The following ITGB2 variants were observed in gnomAD, a reference collection of about 807,000 sequenced individuals.
ITGB2 encodes integrin beta-2.
Under a neutral mutation model 86.8 loss-of-function variants are expected in ITGB2, and 56 were observed. That is an observed-to-expected ratio of 0.65 (90% confidence interval 0.52 to 0.81). The LOEUF (loss-of-function observed/expected upper bound fraction) is 0.81. Among genes scored for constraint, ITGB2 ranks in the 30% least tolerant of loss-of-function variants. ITGB2 has a pLI of 0.00. For missense variants in ITGB2, 948 were observed against 1,061.2 expected, an observed-to-expected ratio of 0.89 and a Z score of 1.48; for synonymous variants, 457 against 450.4, an observed-to-expected ratio of 1.01 and a Z score of -0.19.
Position 44,888,716 on chromosome 21 carries a change from A to T in ITGB2, c.2057T>A (p.Leu686His), listed in dbSNP as rs2083735014. The change falls in exon 14 of 16, where the codon CTC becomes CAC. Residue 686 changes from leucine to histidine, a missense_variant. Coordinates refer to ENST00000652462, the MANE Select transcript of ITGB2 (RefSeq NM_000211.5). ...ACCTCGGCTCTCATCCACATAGATG[A>T]GGTAGCGGTCCATCCCGTCCTGCTG... is the stretch of plus-strand genomic sequence containing the variant. ...LEQQDGMDRY[L>H]IYVDESRECV... The T allele has an allele frequency of 6.2e-7, 1 of 1,610,020 alleles. No homozygotes were observed. The highest frequency in any genetic ancestry group is 8.5e-7 in the Non-Finnish European group (1 of 1,179,932).
At chr21:44,915,670 T>C (rs1387335994) in intron 1 of ITGB2, among the ~76,000 whole-genome samples, 1 of 152,148 alleles carries the variant, frequency 6.6e-6, no homozygotes, top group Non-Finnish European at 1.5e-5. Flanking sequence ...AGGAATGTGA[T>C]AAAGAACTGG....
upstream of ITGB2, among the ~76,000 whole-genome samples, chr21:44,925,599 T>G (rs1407224553): frequency 2.0e-5 from 3 of 152,212 alleles, no homozygotes; most frequent in Non-Finnish European, 4.4e-5. Flanking sequence ...AAAAGATCAT[T>G]GTTGTCCAGA....
rs200615045 is a variant in ITGB2 at position 44,890,060 on chromosome 21, G to C, written c.1575C>G (p.Pro525=). Residue 525 remains proline, a synonymous_variant, in exon 12 of 16, where the codon CCC becomes CCG. Coordinates refer to ENST00000652462, the MANE Select transcript of ITGB2 (RefSeq NM_000211.5). Reference sequence around the variant, plus strand: ...AGTACTGCCCGTATATCAGCTTGCCGGGGACGTCGCTGGTGTGGCACAGGC... The same window carrying C: ...AGTACTGCCCGTATATCAGCTTGCCCGGGACGTCGCTGGTGTGGCACAGGC... ...GQCLCHTSDV[P]GKLIYGQYCE... is the part of the protein sequence containing the mutation. 5 of 1,613,530 alleles carry C rather than the reference G, an allele frequency of 3.1e-6. No homozygotes were observed. The South Asian group carries it at 5.5e-5, about 18-fold the overall frequency.
intron 14 of ITGB2, among the ~76,000 whole-genome samples, chr21:44,887,929 C>T (rs909427): frequency 0.081 from 12,306 of 152,282 alleles, 1,716 homozygotes; most frequent in African/African-American, 0.28. Flanking sequence ...GAGTCCTGGC[C>T]GGCTGCTGGC....
intron 1 of ITGB2, among the ~76,000 whole-genome samples, chr21:44,916,800 A>G (rs1025740257): frequency 1.9e-4 from 28 of 150,736 alleles, no homozygotes; most frequent in African/African-American, 3.9e-4. Context: ...CCCGGGAGGC[A>G]GAGGGTGCAG....
At chr21:44,906,573 T>C (rs2084045355) in intron 4 of ITGB2, among the ~76,000 whole-genome samples, 1 of 152,114 alleles carries the variant, frequency 6.6e-6, no homozygotes, top group African/African-American at 2.4e-5. Context: ...CCTTTACTCT[T>C]CTAAGAGTAC....
At chr21:44,907,636 T>C (rs2084063520) in intron 3 of ITGB2, among the ~76,000 whole-genome samples, 2 of 152,360 alleles carry the variant, frequency 1.3e-5, no homozygotes, top group Admixed American at 6.5e-5. Flanking sequence ...GCAAATCCCC[T>C]GGATTCTGAT....
In ITGB2 at chr21:44,902,808, T is replaced by TTG. The variant is rs34031498; in HGVS notation, c.499+555_499+556dup. ...TGCATTTGTGTGAGCATGCATTTGCTTGTGTGTGTGTGTGTTATCGTGCAT... is the reference window on the plus strand; with the variant it reads ...TGCATTTGTGTGAGCATGCATTTGCTTGTGTGTGTGTGTGTGTTATCGTGCAT... On this transcript the variant is annotated intron_variant, in intron 5 of 15. Transcript: ENST00000652462. 9.4e-3 allele frequency among the ~76,000 whole-genome samples: 1,428 copies of TTG among 152,000 alleles called. 5 individuals carry two copies. Among genetic ancestry groups the TTG allele is most frequent in the African/African-American group, 0.011 (475 of 41,494 alleles).
At chr21:44,893,828 C>T in intron 9 of ITGB2, 1 of 439,258 alleles carries the variant, frequency 2.3e-6, no homozygotes, top group East Asian at 4.8e-5. Flanking sequence ...TCCCCAGGAC[C>T]TAGCACAGGG....
At chr21:44,920,032 A>C (rs1453259496) in intron 1 of ITGB2, among the ~76,000 whole-genome samples, 1 of 152,046 alleles carries the variant, frequency 6.6e-6, no homozygotes, top group Non-Finnish European at 1.5e-5. Flanking sequence ...AGCTGAACCA[A>C]CTCGACCAGA....
At chr21:44,900,274 T>G (rs1489958564) in intron 7 of ITGB2, 46 bp downstream of exon 7, 4 of 1,612,222 alleles carry the variant, frequency 2.5e-6, no homozygotes, top group Admixed American at 3.3e-5. Context: ...CCTCCGTCAG[T>G]GGTGTCCTGC....
intron 1 of ITGB2, among the ~76,000 whole-genome samples, chr21:44,926,236 C>T (rs1732109860): frequency 6.6e-6 from 1 of 152,194 alleles, no homozygotes; most frequent in African/African-American, 2.4e-5. Flanking sequence ...GGGACCCAGA[C>T]CTCCATTCCG....
intron 1 of ITGB2, among the ~76,000 whole-genome samples, chr21:44,916,191 G>A (rs945390075): frequency 6.6e-6 from 1 of 152,150 alleles, no homozygotes; most frequent in East Asian, 1.9e-4. Context: ...AAAGTGCTGG[G>A]ATTACAGGCG....
chr21:44,922,694 G>GA (rs1197818891), upstream of ITGB2, among the ~76,000 whole-genome samples: 1 of 144,280 alleles, frequency 6.9e-6, no homozygotes, highest in Non-Finnish European at 1.5e-5. Context: ...TCCTTTAAAA[G>GA]AAAAAAGTAA....
At chr21:44,923,026 C>T (rs369469873), upstream of ITGB2, 2 of 152,264 alleles carry the variant, frequency 1.3e-5, no homozygotes, top group African/African-American at 2.4e-5. Context: ...ACGCAGCAGA[C>T]GTTATGCACA....
chr21:44,893,520 C>T lies in ITGB2; in HGVS notation c.1108G>A (p.Asp370Asn), dbSNP rs777337664. ...AGGGTGTCGGGGAGGGCGTTGTGAT[C>T]CAGGAAGACCCTGGAGGAGAGTTTC... is the stretch of plus-strand genomic sequence containing the variant. ...YNKLSSRVFL[D>N]HNALPDTLKV... Residue 370 changes from aspartate (D) to asparagine (N), a missense_variant, in exon 10 of 16, where the codon GAT (aspartate) becomes AAT (asparagine). Transcript: ENST00000652462. The T allele has an allele frequency of 3.1e-6, 5 of 1,614,006 alleles. No individual in the cohort carries two copies. The highest frequency in any genetic ancestry group is 3.4e-6 in the Non-Finnish European group (4 of 1,179,946).
At chr21:44,911,963 T>C (rs1284846223) in intron 1 of ITGB2, among the ~76,000 whole-genome samples, 1 of 152,060 alleles carries the variant, frequency 6.6e-6, no homozygotes, top group African/African-American at 2.4e-5. Flanking sequence ...GAGAACATTA[T>C]AGCTGGCTGG....
chr21:44,916,823 T>G (rs963991479), intron 1 of ITGB2, among the ~76,000 whole-genome samples: 4 of 145,900 alleles, frequency 2.7e-5, no homozygotes, highest in East Asian at 2.0e-4. Flanking sequence ...AGCTGAGATC[T>G]CACCTCTGCA....
chr21:44,888,959 G>A (rs1450636054), intron 13 of ITGB2, 64 bp from the exon 14 acceptor site: 17 of 1,504,644 alleles, frequency 1.1e-5, no homozygotes, highest in African/African-American at 6.9e-5. Flanking sequence ...ACGGGGGCTC[G>A]GGCTTGGGTG....
Sources: allele counts gnomAD v4.1 joint callset (sites outside exome capture counted in the v4.1 genomes callset), GRCh38; gene constraint gnomAD v4.1.1; transcripts MANE v1.5; gene names NCBI Gene and HGNC (gene_info 2026-07-23, HGNC 2026-07-21).